The following MCPH1 variants were observed in gnomAD, a reference collection of about 807,000 sequenced individuals.
MCPH1 encodes microcephalin.
MCPH1 carries 104 observed loss-of-function variants against 84.5 expected under a neutral mutation model. That is an observed-to-expected ratio of 1.23 (90% CI 1.05 to 1.45). MCPH1 has a LOEUF of 1.45. Among genes scored for constraint, MCPH1 ranks in the 40% most tolerant of loss-of-function variants. The pLI, the probability that MCPH1 is intolerant of heterozygous loss-of-function variation, is 0.00. For synonymous variants in MCPH1, 514 were observed against 366.8 expected, an observed-to-expected ratio of 1.40 and a Z score of -4.58; for missense variants, 1,498 against 1,005.7, an observed-to-expected ratio of 1.49 and a Z score of -6.62.
intron 3 of MCPH1, among the ~76,000 whole-genome samples, chr8:6,430,500 C>A (rs1458888223): frequency 6.6e-6 from 1 of 152,228 alleles, no homozygotes; most frequent in Non-Finnish European, 1.5e-5. Context: ...GTGTCACTTA[C>A]CACATTGCAT....
intron 11 of MCPH1, among the ~76,000 whole-genome samples, chr8:6,496,573 T>G (rs1280121674): frequency 6.8e-6 from 1 of 147,936 alleles, no homozygotes. Flanking sequence ...CCCACAGGTA[T>G]TCTTAGTACC....
At position 6,457,330 on chromosome 8, in the gene MCPH1, T is replaced by C. The variant is rs75406121; in HGVS notation, c.1935+2078T>C. Reference sequence around the variant, plus strand: ...TTTCTGGGCCAGTCATGGTGGCTCATGCCTATAATCCCGGTACTTTGGGGC... The same window carrying C: ...TTTCTGGGCCAGTCATGGTGGCTCACGCCTATAATCCCGGTACTTTGGGGC... On this transcript the variant is annotated intron_variant, in intron 9 of 13. Transcript: ENST00000344683. Among the ~76,000 whole-genome samples the C allele has an allele frequency of 3.3e-3, 504 of 151,822 alleles. 18 individuals carry two copies. In the East Asian group the frequency reaches 0.076, roughly 23 times the overall value.
intron 7 of MCPH1, among the ~76,000 whole-genome samples, chr8:6,442,719 T>C (rs902044471): frequency 6.6e-6 from 1 of 152,334 alleles, no homozygotes; most frequent in African/African-American, 2.4e-5. Flanking sequence ...TCGTACCAAA[T>C]TTCTTACAGT....
At chr8:6,450,224 G>T (rs927460881) in intron 8 of MCPH1, among the ~76,000 whole-genome samples, 1 of 152,110 alleles carries the variant, frequency 6.6e-6, no homozygotes, top group Non-Finnish European at 1.5e-5. Context: ...ACCAGATCTT[G>T]TTGAAGGCAA....
intron 11 of MCPH1, among the ~76,000 whole-genome samples, chr8:6,497,257 G>A (rs533254897): frequency 1.3e-5 from 2 of 151,420 alleles, no homozygotes; most frequent in East Asian, 3.9e-4. Context: ...GAAGCAGGTG[G>A]ATCACTTGAG....
chr8:6,607,660 C>A (rs1357245210), intron 12 of MCPH1, among the ~76,000 whole-genome samples: 1 of 152,114 alleles, frequency 6.6e-6, no homozygotes, highest in Non-Finnish European at 1.5e-5. Context: ...GCAGTTTCCC[C>A]CCATACAGTT....
At chr8:6,503,302 T>G (rs376441724) in intron 12 of MCPH1, 129 of 1,610,054 alleles carry the variant, frequency 8.0e-5, no homozygotes, top group Non-Finnish European at 9.9e-5. Context: ...AACTAGGTGA[T>G]GCCAGCTCCC....
chr8:6,558,988 C>T (rs186111038), intron 12 of MCPH1, among the ~76,000 whole-genome samples: 8 of 152,196 alleles, frequency 5.3e-5, no homozygotes, highest in Non-Finnish European at 1.0e-4. Flanking sequence ...ACTGTCTCTT[C>T]TACATTCCTT....
At chr8:6,614,922 G>C (rs528130218) in intron 12 of MCPH1, among the ~76,000 whole-genome samples, 1 of 151,296 alleles carries the variant, frequency 6.6e-6, no homozygotes, top group Non-Finnish European at 1.5e-5. Flanking sequence ...GGGTCTTCCT[G>C]ATCTCAACCC....
chr8:6,574,734 T>C (rs995488757), intron 12 of MCPH1, among the ~76,000 whole-genome samples: 8 of 152,024 alleles, frequency 5.3e-5, no homozygotes, highest in African/African-American at 1.9e-4. Context: ...ATCCCAGGTG[T>C]AGGACAGAGA....
intron 12 of MCPH1, among the ~76,000 whole-genome samples, chr8:6,543,506 G>A (rs1278479357): frequency 1.3e-5 from 2 of 152,198 alleles, no homozygotes; most frequent in African/African-American, 4.8e-5. Context: ...GTCGTGGGGA[G>A]CATCCAGCTC....
intron 12 of MCPH1, among the ~76,000 whole-genome samples, chr8:6,587,018 G>A (rs1432363307): frequency 6.6e-6 from 1 of 151,868 alleles, no homozygotes; most frequent in Non-Finnish European, 1.5e-5. Context: ...ACCACCCAGC[G>A]CTTTTCATTC....
chr8:6,512,618 C>T (rs1429586168), intron 12 of MCPH1, among the ~76,000 whole-genome samples: 1 of 152,180 alleles, frequency 6.6e-6, no homozygotes, highest in Non-Finnish European at 1.5e-5. Context: ...ACACACATTT[C>T]GGAGTGCCTC....
intron 13 of MCPH1, among the ~76,000 whole-genome samples, chr8:6,640,102 G>C (rs981906116): frequency 7.1e-6 from 1 of 140,998 alleles, no homozygotes; most frequent in Admixed American, 7.2e-5. Flanking sequence ...GTGTGTGCGC[G>C]CGCGTGTGTG....
intron 12 of MCPH1, among the ~76,000 whole-genome samples, chr8:6,505,893 A>G (rs1427970164): frequency 1.7e-5 from 2 of 118,248 alleles, no homozygotes; most frequent in African/African-American, 3.7e-5. Flanking sequence ...ATGTATATAT[A>G]AAAACATACA....
chr8:6,534,681 C>T (rs1038856071), intron 12 of MCPH1, among the ~76,000 whole-genome samples: 5 of 152,034 alleles, frequency 3.3e-5, no homozygotes, highest in East Asian at 1.9e-4. Context: ...CACTGATACC[C>T]GGCAGGCCAG....
chr8:6,560,804 A>G (rs1276470439), intron 12 of MCPH1, among the ~76,000 whole-genome samples: 1 of 152,160 alleles, frequency 6.6e-6, no homozygotes, highest in Non-Finnish European at 1.5e-5. Flanking sequence ...TAGTTTACCT[A>G]AGAAAGAAAT....
intron 13 of MCPH1, among the ~76,000 whole-genome samples, chr8:6,635,926 T>C (rs1586889762): frequency 6.6e-6 from 1 of 152,390 alleles, no homozygotes; most frequent in East Asian, 1.9e-4. Context: ...TGCCACTGGC[T>C]GCTTAGCTCC....
intron 12 of MCPH1, among the ~76,000 whole-genome samples, chr8:6,568,566 G>A (rs1165397205): frequency 2.0e-5 from 3 of 152,154 alleles, no homozygotes; most frequent in Non-Finnish European, 2.9e-5. Flanking sequence ...GCCCGGGGTC[G>A]TTTTGCTTTT....
Sources: allele counts gnomAD v4.1 joint callset (sites outside exome capture counted in the v4.1 genomes callset), GRCh38; gene constraint gnomAD v4.1.1; transcripts MANE v1.5; gene names NCBI Gene and HGNC (gene_info 2026-07-23, HGNC 2026-07-21).